Variants in PTGER3 observed in about 807,000 individuals in gnomAD.
PTGER3 encodes the protein prostaglandin E2 receptor EP3 subtype.
A neutral mutation model predicts 34.7 loss-of-function variants in PTGER3; 22 were observed. That is an observed-to-expected ratio of 0.63 (90% CI 0.45 to 0.91). The LOEUF (loss-of-function observed/expected upper bound fraction) is 0.91, where lower values mean the gene tolerates loss of function less well. Ranked by LOEUF, PTGER3 falls within the 40% of genes least tolerant of loss-of-function variation. The probability of loss-of-function intolerance (pLI) is 0.00; values close to 1 mark genes in which losing one functional copy is unlikely to be tolerated. For missense variants in PTGER3, 468 were observed against 519.4 expected, an observed-to-expected ratio of 0.90 and a Z score of 0.96; for synonymous variants, 241 against 230.1, an observed-to-expected ratio of 1.05 and a Z score of -0.43.
At chr1:70,992,408 A>G (rs1010319966) in intron 2 of PTGER3, among the ~76,000 whole-genome samples, 3 of 152,220 alleles carry the variant, frequency 2.0e-5, no homozygotes, top group African/African-American at 7.2e-5. Flanking sequence ...TAAAAGCCTG[A>G]TATACACAAC....
At chr1:70,945,746 A>T (rs547798312) in intron 4 of PTGER3, among the ~76,000 whole-genome samples, 3 of 152,210 alleles carry the variant, frequency 2.0e-5, no homozygotes, top group African/African-American at 4.8e-5. Context: ...TTAACTTTTT[A>T]AAAAATCTCA....
intron 4 of PTGER3, among the ~76,000 whole-genome samples, chr1:70,935,080 C>T (rs367971040): frequency 5.9e-5 from 9 of 152,058 alleles, no homozygotes; most frequent in African/African-American, 1.9e-4. Context: ...ATAGTGAGCC[C>T]ACCAAGATGC....
chr1:70,988,941 C>T (rs80172206), intron 2 of PTGER3, among the ~76,000 whole-genome samples: 3,300 of 152,154 alleles, frequency 0.022, 115 homozygotes, highest in African/African-American at 0.074. Flanking sequence ...TGTTCAGTCA[C>T]CAAGGCTTTG....
chr1:70,961,373 A>C (rs1312489854), intron 2 of PTGER3, among the ~76,000 whole-genome samples: 2 of 152,214 alleles, frequency 1.3e-5, no homozygotes, highest in Non-Finnish European at 2.9e-5. Context: ...GTGATGAGCT[A>C]AGAGTAGCAC....
intron 3 of PTGER3, 136 bp from the exon 4 acceptor site, chr1:70,971,869 G>T: frequency 1.8e-6 from 1 of 550,274 alleles, no homozygotes; most frequent in Non-Finnish European, 3.1e-6. Flanking sequence ...CTCTTTTGAA[G>T]TAATTACATG....
At chr1:70,874,400 A>G (rs986313602) in intron 4 of PTGER3, among the ~76,000 whole-genome samples, 6 of 152,150 alleles carry the variant, frequency 3.9e-5, no homozygotes, top group Non-Finnish European at 5.9e-5. Context: ...GCCATGGGTT[A>G]TCTTCCTTTC....
chr1:71,039,128 A>G (rs1573001039), intron 1 of PTGER3, among the ~76,000 whole-genome samples: 1 of 152,292 alleles, frequency 6.6e-6, no homozygotes, highest in East Asian at 1.9e-4. Flanking sequence ...TGTTCACTGC[A>G]GATAAGTCCT....
intron 4 of PTGER3, among the ~76,000 whole-genome samples, chr1:70,909,097 G>A (rs1206124813): frequency 6.6e-6 from 1 of 152,134 alleles, no homozygotes; most frequent in Admixed American, 6.5e-5. Flanking sequence ...ATGTCAATAG[G>A]AGGATGGTTA....
At chr1:70,986,279 A>AT (rs1654907113) in intron 2 of PTGER3, among the ~76,000 whole-genome samples, 1 of 152,160 alleles carries the variant, frequency 6.6e-6, no homozygotes, top group Admixed American at 6.5e-5. Flanking sequence ...TGGATTAGCC[A>AT]TTTTTTATTC....
intron 4 of PTGER3, among the ~76,000 whole-genome samples, chr1:70,892,001 C>A (rs1057405785): frequency 6.6e-6 from 1 of 152,178 alleles, no homozygotes; most frequent in Admixed American, 6.5e-5. Flanking sequence ...GGGAAATCCA[C>A]AACAGGGCTG....
chr1:70,863,509 T>C (rs1045618973), intron 4 of PTGER3, among the ~76,000 whole-genome samples: 11 of 152,172 alleles, frequency 7.2e-5, no homozygotes, highest in Non-Finnish European at 1.3e-4. Context: ...TTCAAAATCA[T>C]AGATCATGAA....
At chr1:70,933,387 A>C (rs1648909190) in intron 4 of PTGER3, among the ~76,000 whole-genome samples, 2 of 152,194 alleles carry the variant, frequency 1.3e-5, no homozygotes, top group Non-Finnish European at 2.9e-5. Context: ...AAGATCATAA[A>C]AAAGATCATA....
chr1:71,016,244 C>T (rs1000042859), intron 1 of PTGER3, among the ~76,000 whole-genome samples: 9 of 152,032 alleles, frequency 5.9e-5, no homozygotes, highest in Non-Finnish European at 1.2e-4. Context: ...AGTAGCTATA[C>T]AATAAATAAA....
At chr1:71,009,412 A>C in intron 2 of PTGER3, 4 of 981,140 alleles carry the variant, frequency 4.1e-6, no homozygotes, top group Non-Finnish European at 4.8e-6. Context: ...ATATCTTGGG[A>C]TATATACAGC....
At chr1:70,922,135 T>G (rs10218772) in intron 4 of PTGER3, among the ~76,000 whole-genome samples, 38,226 of 152,048 alleles carry the variant, frequency 0.25, 5,105 homozygotes, top group East Asian at 0.47. Context: ...AAACTGTTCA[T>G]TTTAATCTTC....
intron 4 of PTGER3, among the ~76,000 whole-genome samples, chr1:70,900,331 C>T (rs1316921040): frequency 1.3e-5 from 2 of 151,922 alleles, no homozygotes; most frequent in African/African-American, 2.4e-5. Context: ...GGTGTTCTTA[C>T]TATGTATACA....
chr1:71,046,879 G>C lies in PTGER3; in HGVS notation c.699C>G (p.Ala233=). Residue 233 remains alanine, a synonymous_variant, in exon 1 of 4, where the codon GCC becomes GCG. Transcript: ENST00000306666. The part of the protein sequence containing the change: ...HNWGNLFFAS[A]FAFLGLLALT... ...GCGCCAAGAGCCCCAGGAAGGCAAA[G>C]GCAGAGGCGAAGAAAAGGTTGCCCC... The C allele has an allele frequency of 6.2e-7, 1 of 1,613,596 alleles. No homozygotes were observed.
intron 4 of PTGER3, among the ~76,000 whole-genome samples, chr1:70,938,584 G>A (rs888092296): frequency 1.3e-5 from 2 of 152,120 alleles, no homozygotes. Context: ...GGAAGAAAAG[G>A]TGGTCTAATT....
intron 3 of PTGER3, among the ~76,000 whole-genome samples, chr1:70,972,076 C>T (rs1483822528): frequency 6.6e-6 from 1 of 151,990 alleles, no homozygotes; most frequent in African/African-American, 2.4e-5. Context: ...GCCTGTAATC[C>T]CAGCATTTTG....
Sources: gnomAD v4.1 joint callset for allele counts (sites outside exome capture counted in the v4.1 genomes callset) on GRCh38, gnomAD v4.1.1 for gene constraint, MANE v1.5 for transcripts, NCBI Gene and HGNC (gene_info 2026-07-23, HGNC 2026-07-21) for gene names.